The following MAPK10 variants were observed in gnomAD, a reference collection of about 807,000 sequenced individuals.
MAPK10 encodes the protein mitogen-activated protein kinase 10.
A neutral mutation model predicts 59.3 loss-of-function variants in MAPK10; 25 were observed. The ratio of observed to expected loss-of-function variants is 0.42; its 90% CI spans 0.31 to 0.59. The LOEUF (loss-of-function observed/expected upper bound fraction) is 0.59. MAPK10 is among the 20% of genes least tolerant of loss of function. MAPK10 has a pLI of 0.15. For missense variants in MAPK10, 351 were observed against 568.9 expected, an observed-to-expected ratio of 0.62 and a Z score of 3.90; for synonymous variants, 190 against 200.5, an observed-to-expected ratio of 0.95 and a Z score of 0.44.
intron 10 of MAPK10, 94 bp downstream of exon 10, chr4:86,067,679 G>A: frequency 1.9e-6 from 2 of 1,053,702 alleles, no homozygotes; most frequent in Non-Finnish European, 2.7e-6. Flanking sequence ...AAAATAAAAG[G>A]GAACAAAGAG....
At chr4:86,129,553 T>A (rs2060647350) in intron 4 of MAPK10, among the ~76,000 whole-genome samples, 1 of 152,186 alleles carries the variant, frequency 6.6e-6, no homozygotes, top group Admixed American at 6.6e-5. Flanking sequence ...AAGATTGAAG[T>A]TGGCACTTTG....
intron 11 of MAPK10, 111 bp downstream of exon 11, chr4:86,064,155 G>T: frequency 2.2e-6 from 3 of 1,370,940 alleles, no homozygotes; most frequent in Non-Finnish European, 2.0e-6. Context: ...TTTGGACTTA[G>T]AAATTTTATA....
At chr4:86,063,324 A>AC (rs1243074902) in intron 11 of MAPK10, among the ~76,000 whole-genome samples, 1 of 152,218 alleles carries the variant, frequency 6.6e-6, no homozygotes, top group Non-Finnish European at 1.5e-5. Flanking sequence ...CTTTAAGAAT[A>AC]CTTTGGGGAA....
At chr4:86,416,989 C>A (rs547781930) in intron 1 of MAPK10, among the ~76,000 whole-genome samples, 1 of 152,130 alleles carries the variant, frequency 6.6e-6, no homozygotes, top group African/African-American at 2.4e-5. Flanking sequence ...CCCACCCACT[C>A]CCCTCCTCTT....
chr4:86,373,438 ACAG>A (rs1739231591), intron 1 of MAPK10, among the ~76,000 whole-genome samples: 1 of 152,126 alleles, frequency 6.6e-6, no homozygotes, highest in Non-Finnish European at 1.5e-5. Flanking sequence ...GAGCTTCTGC[ACAG>A]CAAAAGAAGC....
chr4:86,232,202 T>G (rs1202554583), intron 2 of MAPK10, among the ~76,000 whole-genome samples: 1 of 152,180 alleles, frequency 6.6e-6, no homozygotes, highest in Non-Finnish European at 1.5e-5. Flanking sequence ...AGACCAAATT[T>G]GACCCATATA....
intron 2 of MAPK10, among the ~76,000 whole-genome samples, chr4:86,216,282 C>T (rs180682377): frequency 0.088 from 12,382 of 141,346 alleles, 1,165 homozygotes; most frequent in African/African-American, 0.24. Flanking sequence ...AGCACACACA[C>T]ATATATATAT....
At chr4:86,482,713 C>T (rs187410222) in intron 1 of MAPK10, among the ~76,000 whole-genome samples, 82 of 152,226 alleles carry the variant, frequency 5.4e-4, no homozygotes, top group Non-Finnish European at 9.6e-4. Context: ...AATCATATTC[C>T]TCACCATTAA....
At position 86,054,625 on chromosome 4, in the gene MAPK10, ATAAT is replaced by A. The variant is rs539698595; in HGVS notation, c.1110+9637_1110+9640del. On this transcript the variant is annotated intron_variant, in intron 11 of 13. Coordinates refer to ENST00000641462, the MANE Select transcript of MAPK10 (RefSeq NM_138982.4). ...AATTGCTCTTTCTATAATTAAGCAC[ATAAT>A]TAGAGTGCATCAGATTCATATCCAT... is the stretch of plus-strand genomic sequence containing the variant. Among the ~76,000 whole-genome samples, 56 of 152,344 alleles carry A rather than the reference ATAAT, an allele frequency of 3.7e-4. 1 individual carries two copies. The highest frequency in any genetic ancestry group is 2.1e-3 in the South Asian group (10 of 4,830).
At chr4:86,252,536 C>G (rs1409685004) in intron 2 of MAPK10, among the ~76,000 whole-genome samples, 2 of 142,592 alleles carry the variant, frequency 1.4e-5, no homozygotes, top group Non-Finnish European at 3.0e-5. Context: ...ATCTATATCT[C>G]TGTTTTGGTA....
intron 2 of MAPK10, among the ~76,000 whole-genome samples, chr4:86,295,259 C>G (rs2095330758): frequency 6.6e-6 from 1 of 152,162 alleles, no homozygotes; most frequent in African/African-American, 2.4e-5. Context: ...AGGATGCTCT[C>G]CCAGATCTCT....
intron 2 of MAPK10, among the ~76,000 whole-genome samples, chr4:86,255,484 A>G (rs2093666486): frequency 6.6e-6 from 1 of 152,182 alleles, no homozygotes; most frequent in African/African-American, 2.4e-5. Context: ...GAAGGCATAT[A>G]TGCTGTCCTG....
intron 4 of MAPK10, among the ~76,000 whole-genome samples, chr4:86,134,681 G>T (rs1429221721): frequency 6.6e-6 from 1 of 152,186 alleles, no homozygotes; most frequent in Non-Finnish European, 1.5e-5. Context: ...GGGGGGAGGA[G>T]CCAAGATGGC....
chr4:86,545,997 TCC>T (rs1759120203), intron 1 of MAPK10, among the ~76,000 whole-genome samples: 1 of 152,104 alleles, frequency 6.6e-6, no homozygotes, highest in South Asian at 2.1e-4. Context: ...ACGCCTGTAA[TCC>T]CAGCACTTTG....
intron 1 of MAPK10, among the ~76,000 whole-genome samples, chr4:86,400,763 T>G (rs1239983487): frequency 6.6e-6 from 1 of 152,146 alleles, no homozygotes; most frequent in African/African-American, 2.4e-5. Context: ...TTTTTGGAAG[T>G]CAATTACTTC....
At chr4:86,098,966 A>G (rs1362444559) in intron 8 of MAPK10, 2 of 190,872 alleles carry the variant, frequency 1.0e-5, no homozygotes, top group Non-Finnish European at 2.2e-5. Context: ...GGATGCATAG[A>G]AAACAATATT....
chr4:86,134,975 G>A (rs917590647), intron 4 of MAPK10, among the ~76,000 whole-genome samples: 5 of 152,294 alleles, frequency 3.3e-5, no homozygotes, highest in African/African-American at 1.2e-4. Flanking sequence ...GCGCTTTTCC[G>A]ACGGGCTTAA....
chr4:86,434,114 A>G (rs958248367), intron 1 of MAPK10, among the ~76,000 whole-genome samples: 9 of 152,198 alleles, frequency 5.9e-5, no homozygotes, highest in African/African-American at 2.2e-4. Flanking sequence ...AGAAATGGTG[A>G]CAAAGGTACC....
intron 2 of MAPK10, among the ~76,000 whole-genome samples, chr4:86,246,771 A>G (rs565424476): frequency 9.2e-5 from 14 of 152,306 alleles, no homozygotes; most frequent in African/African-American, 2.6e-4. Flanking sequence ...GAATGCAGGC[A>G]GTGGGACACT....
Sources: allele counts gnomAD v4.1 joint callset (sites outside exome capture counted in the v4.1 genomes callset), GRCh38; gene constraint gnomAD v4.1.1; transcripts MANE v1.5; gene names NCBI Gene and HGNC (gene_info 2026-07-23, HGNC 2026-07-21).